The following PTPN3 variants were observed in gnomAD, a reference collection of about 807,000 sequenced individuals.
PTPN3 encodes tyrosine-protein phosphatase non-receptor type 3.
PTPN3 carries 96 observed loss-of-function variants against 132.7 expected under a neutral mutation model. The observed-to-expected ratio is 0.72, with a 90% CI of 0.61 to 0.86. PTPN3 has a LOEUF of 0.86. PTPN3 is among the 40% of genes least tolerant of loss of function. PTPN3 has a pLI of 0.00. For missense variants in PTPN3, 1,125 were observed against 1,159.6 expected (o/e 0.97, Z 0.43); for synonymous variants, 398 against 429.0 (o/e 0.93, Z 0.89).
chr9:109,441,174 T>A (rs1163755062), intron 7 of PTPN3, among the ~76,000 whole-genome samples: 1 of 152,190 alleles, frequency 6.6e-6, no homozygotes, highest in Non-Finnish European at 1.5e-5. Flanking sequence ...CATTTTCCTA[T>A]CTGTGAGAAA....
At chr9:109,440,905 G>T (rs1274504505) in intron 7 of PTPN3, among the ~76,000 whole-genome samples, 1 of 152,172 alleles carries the variant, frequency 6.6e-6, no homozygotes, top group Admixed American at 6.5e-5. Context: ...AACCACTAGG[G>T]GGAAACAAAG....
At chr9:109,394,060 T>A (rs1253874618) in intron 19 of PTPN3, among the ~76,000 whole-genome samples, 1 of 152,180 alleles carries the variant, frequency 6.6e-6, no homozygotes, top group Non-Finnish European at 1.5e-5. Context: ...TCTAATAAAC[T>A]CTGTGAGTTC....
At chr9:109,526,559 C>A in the PTPN3 span, among the ~76,000 whole-genome samples, 1 of 151,986 alleles carries the variant, frequency 6.6e-6, no homozygotes, top group Non-Finnish European at 1.5e-5. Flanking sequence ...CCTGTGGTCC[C>A]AGCTATGTGG....
intron 9 of PTPN3, among the ~76,000 whole-genome samples, chr9:109,435,462 C>A (rs1315087253): frequency 6.6e-6 from 1 of 152,202 alleles, no homozygotes; most frequent in African/African-American, 2.4e-5. Flanking sequence ...GCAGCCTCGA[C>A]TGCTGAGTTA....
chr9:109,382,282 C>G lies in PTPN3; in HGVS notation c.2528+20G>C. 1.9e-6 allele frequency: 3 copies of G among 1,612,152 alleles called. No homozygotes were observed. The highest frequency in any genetic ancestry group is 1.7e-6 in the Non-Finnish European group (2 of 1,178,764). ...GACAGGGAAAGGATTCCAAACCTAA[C>G]AAAACAGCAAGCGCCATACCTGCAG... On this transcript the variant is annotated intron_variant, in intron 24 of 25. Coordinates refer to ENST00000374541, the MANE Select transcript of PTPN3 (RefSeq NM_002829.4).
intron 1 of PTPN3, among the ~76,000 whole-genome samples, chr9:109,472,710 C>T (rs1846443332): frequency 6.6e-6 from 1 of 152,122 alleles, no homozygotes; most frequent in Non-Finnish European, 1.5e-5. Context: ...AGCCTGCTTT[C>T]TTGGCTTTTA....
Position 109,412,205 on chromosome 9 carries a change from C to G in PTPN3, c.1314-1790G>C, listed in dbSNP as rs952384725. ...CCTCTCTCTCCCTCCCTGCACCCCC[C>G]CAATCCATTTTTTTTTCTTTTGAGG... On this transcript the variant is annotated intron_variant, in intron 14 of 25. Transcript: ENST00000374541. Among the ~76,000 whole-genome samples the G allele has an allele frequency of 2.0e-5, 3 of 152,012 alleles. No homozygotes were observed. The South Asian group carries it at 6.2e-4, about 32-fold the overall frequency.
chr9:109,404,704 A>C (rs1158833079), intron 18 of PTPN3, 96 bp from the exon 19 acceptor site: 8 of 1,286,868 alleles, frequency 6.2e-6, no homozygotes, highest in Non-Finnish European at 7.0e-6. Context: ...CTGAATGCAG[A>C]TGGTTCAAAA....
At position 109,449,160 on chromosome 9, in the gene PTPN3, C is replaced by G. The variant is rs1397734625; in HGVS notation, c.369-305G>C. On this transcript the variant is annotated intron_variant, in intron 5 of 25. Coordinates refer to ENST00000374541, the MANE Select transcript of PTPN3 (RefSeq NM_002829.4). ...ACAGCCCACCAAAGATGGGCTGGTA[C>G]TATGGGTTCCGCTGTCAGTGAGCGC... 2.4e-5 allele frequency: 28 copies of G among 1,176,090 alleles called. No homozygotes were observed. The East Asian group carries it at 1.5e-3, about 62-fold the overall frequency. 72.9% of individuals were successfully genotyped at this position (1,176,090 alleles called of 1,614,324 possible). A position where few individuals can be genotyped will look rare whatever the true frequency, so the allele number is the denominator to read the frequency against.
intron 4 of PTPN3, among the ~76,000 whole-genome samples, chr9:109,456,959 T>C (rs1357055888): frequency 6.6e-6 from 1 of 152,120 alleles, no homozygotes; most frequent in African/African-American, 2.4e-5. Flanking sequence ...ACCCTTCCCC[T>C]TCTTTCCCAC....
chr9:109,441,201 C>T (rs1180141940), intron 7 of PTPN3, among the ~76,000 whole-genome samples: 1 of 152,146 alleles, frequency 6.6e-6, no homozygotes, highest in Non-Finnish European at 1.5e-5. Flanking sequence ...CATGCAAAAG[C>T]TAATTATAGC....
intron 22 of PTPN3, among the ~76,000 whole-genome samples, chr9:109,386,227 G>C (rs1193020685): frequency 6.6e-6 from 1 of 152,064 alleles, no homozygotes; most frequent in Non-Finnish European, 1.5e-5. Context: ...GGGAGGAAAA[G>C]GGAGGAAATA....
intron 19 of PTPN3, among the ~76,000 whole-genome samples, chr9:109,392,194 T>A (rs1840182001): frequency 6.6e-6 from 1 of 152,226 alleles, no homozygotes; most frequent in Non-Finnish European, 1.5e-5. Flanking sequence ...GTAAGAGATA[T>A]TAATTGTATT....
chr9:109,538,223 G>A, the PTPN3 span, among the ~76,000 whole-genome samples: 1 of 152,176 alleles, frequency 6.6e-6, no homozygotes, highest in African/African-American at 2.4e-5. Flanking sequence ...TTTTTGAAAG[G>A]AACTTACAGT....
chr9:109,463,700 A>G (rs189241481), intron 1 of PTPN3, among the ~76,000 whole-genome samples: 31 of 152,318 alleles, frequency 2.0e-4, no homozygotes, highest in African/African-American at 7.5e-4. Flanking sequence ...CCCTGGTCTG[A>G]GTCTTCTAAT....
At chr9:109,417,755 C>T in intron 14 of PTPN3, 5 of 985,296 alleles carry the variant, frequency 5.1e-6, no homozygotes, top group Non-Finnish European at 6.0e-6. Context: ...CTAACTTGAC[C>T]CCCTGACATG....
the PTPN3 span, among the ~76,000 whole-genome samples, chr9:109,504,977 CAAAG>C: frequency 2.0e-5 from 3 of 152,038 alleles, no homozygotes; most frequent in Non-Finnish European, 2.9e-5. Flanking sequence ...ATACTGAAAA[CAAAG>C]AGAGAGGAAA....
rs768195763 is a variant in PTPN3 at position 109,389,351 on chromosome 9, T to A, written c.2135A>T (p.Asn712Ile). 1 of 1,613,730 alleles carries A rather than the reference T, an allele frequency of 6.2e-7. No individual in the cohort carries two copies. Among genetic ancestry groups the A allele is most frequent in the South Asian group, 1.1e-5 (1 of 90,884 alleles). ...NMEIPAANLV[N>I]KYIATQGPLP... ...GGGCCCCTGAGTGGCGATGTACTTG[T>A]TCACAAGGTTAGCAGCAGGAATTTC... The change falls in exon 22 of 26, where the codon AAC becomes ATC. Residue 712 changes from asparagine (N) to isoleucine (I), a missense_variant. Physicochemically the swap from Asn to Ile is moderately radical, Grantham distance 149. Transcript: ENST00000374541.
the PTPN3 span, among the ~76,000 whole-genome samples, chr9:109,514,189 G>C: frequency 2.0e-5 from 3 of 152,104 alleles, no homozygotes; most frequent in Middle Eastern, 3.4e-3. Flanking sequence ...TCTCTCACTG[G>C]GGCTCTTGCA....
Sources: gnomAD v4.1 joint callset for allele counts (sites outside exome capture counted in the v4.1 genomes callset) on GRCh38, gnomAD v4.1.1 for gene constraint, MANE v1.5 for transcripts, NCBI Gene and HGNC (gene_info 2026-07-23, HGNC 2026-07-21) for gene names.